The following PCNT variants were observed in gnomAD, a reference collection of about 807,000 sequenced individuals.
PCNT encodes kendrin.
PCNT carries 319 observed loss-of-function variants against 380.4 expected under a neutral mutation model. The observed-to-expected ratio is 0.84, with a 90% CI of 0.77 to 0.92. The LOEUF (loss-of-function observed/expected upper bound fraction) is 0.92. Among genes scored for constraint, PCNT ranks in the 40% least tolerant of loss-of-function variants. The probability of loss-of-function intolerance (pLI) is 0.00; values close to 1 mark genes in which losing one functional copy is unlikely to be tolerated. For synonymous variants in PCNT, 1,845 were observed against 1,735.2 expected, an observed-to-expected ratio of 1.06 and a Z score of -1.57; for missense variants, 4,400 against 4,255.3, an observed-to-expected ratio of 1.03 and a Z score of -0.95.
intron 19 of PCNT, among the ~76,000 whole-genome samples, 163 bp from the exon 20 acceptor site, chr21:46,390,507 G>A (rs572632310): frequency 2.6e-5 from 4 of 152,166 alleles, no homozygotes; most frequent in South Asian, 2.1e-4. Flanking sequence ...ACAGTGTCTC[G>A]GAGGGTGGCT....
In PCNT at chr21:46,352,244, G is replaced by A. The variant is rs115627689; in HGVS notation, c.1456+704G>A. ...TGGGATTTGAAGCAAAGAGCACTTAGGAGAAAGAACTGGAGACACTGCCAC... is the reference window on the plus strand; with the variant it reads ...TGGGATTTGAAGCAAAGAGCACTTAAGAGAAAGAACTGGAGACACTGCCAC... On this transcript the variant is annotated intron_variant, in intron 9 of 46. Coordinates refer to ENST00000359568, the MANE Select transcript of PCNT (RefSeq NM_006031.6). Among the ~76,000 whole-genome samples, 808 of 152,352 alleles carry A rather than the reference G, an allele frequency of 5.3e-3. 6 individuals carry two copies. Among genetic ancestry groups the A allele is most frequent in the African/African-American group, 0.019 (774 of 41,572 alleles).
rs1337516320 is a variant in PCNT at position 46,366,772 on chromosome 21, C to T, written c.2798C>T (p.Ser933Phe). 1.2e-6 allele frequency: 2 copies of T among 1,613,648 alleles called. No homozygotes were observed. Residue 933 changes from serine (S) to phenylalanine (F), a missense_variant, in exon 15 of 47, where the codon TCC becomes TTC. Physicochemically the swap from Ser to Phe is radical, Grantham distance 155. Transcript: ENST00000359568. Reference protein sequence around the residue: ...HQAALGELTASLESKQGALLA... With the variant: ...HQAALGELTAFLESKQGALLA... ...GCCGCGTTGGGCGAGCTGACAGCCT[C>T]CTTAGAGAGCAAGCAGGGGGCTCTG... is the stretch of plus-strand genomic sequence containing the variant.
At chr21:46,385,610 T>A (rs1350970299) in intron 16 of PCNT, among the ~76,000 whole-genome samples, 1 of 152,242 alleles carries the variant, frequency 6.6e-6, no homozygotes, top group African/African-American at 2.4e-5. Flanking sequence ...AATGTGCAGG[T>A]GCTCCTTGGC....
intron 18 of PCNT, 99 bp from the exon 19 acceptor site, chr21:46,389,100 G>T: frequency 7.4e-7 from 1 of 1,349,470 alleles, no homozygotes. Context: ...CGGCTGGGGC[G>T]ACGTTCTGAG....
intron 29 of PCNT, 99 bp from the exon 30 acceptor site, chr21:46,415,970 T>C: frequency 8.9e-7 from 1 of 1,120,464 alleles, no homozygotes; most frequent in Admixed American, 1.8e-5. Context: ...ATCACCCGAG[T>C]GCTCCGAAAC....
rs2146625298 is a variant in PCNT, at chr21:46,351,449, A to G, written c.1365A>G (p.Ser455=). 4.4e-6 allele frequency: 7 copies of G among 1,607,688 alleles called. No homozygotes were observed. Among genetic ancestry groups the G allele is most frequent in the Non-Finnish European group, 6.0e-6 (7 of 1,174,150 alleles). ...KQLELENLQA[S]YEDLKAQSQE... ...TCCAGTTAGAGAATCTTCAAGCATCATATGAAGACCTGAAGGCACAATCAC... is the reference window on the plus strand; with the variant it reads ...TCCAGTTAGAGAATCTTCAAGCATCGTATGAAGACCTGAAGGCACAATCAC... Residue 455 remains serine, a synonymous_variant, in exon 9 of 47, where the codon TCA becomes TCG. Transcript: ENST00000359568.
At chr21:46,371,291 A>G (rs2085119570) in intron 15 of PCNT, among the ~76,000 whole-genome samples, 1 of 149,886 alleles carries the variant, frequency 6.7e-6, no homozygotes, top group Non-Finnish European at 1.5e-5. Flanking sequence ...GCTCACTGCA[A>G]CCTCTGCCTC....
In PCNT at chr21:46,440,532, G is replaced by A. The variant is rs8132659; in HGVS notation, c.9394-323G>A. ...CTGCTGCAGTCTCCTGATGGCACAC[G>A]GTCCCCACCCCGTGACGTCCATCTC... On this transcript the variant is annotated intron_variant, in intron 42 of 46. Transcript: ENST00000359568. Among the ~76,000 whole-genome samples the A allele has an allele frequency of 1.3e-3, 201 of 152,334 alleles. 2 individuals carry two copies. Among genetic ancestry groups the A allele is most frequent in the African/African-American group, 4.3e-3 (180 of 41,580 alleles).
At chr21:46,358,712 C>G (rs1035291158) in intron 13 of PCNT, among the ~76,000 whole-genome samples, 3 of 151,948 alleles carry the variant, frequency 2.0e-5, no homozygotes, top group African/African-American at 7.2e-5. Context: ...GCAACCTTCA[C>G]CTCCTGGCTT....
chr21:46,393,411 T>C (rs1386854443), intron 21 of PCNT, among the ~76,000 whole-genome samples: 1 of 152,156 alleles, frequency 6.6e-6, no homozygotes. Context: ...CCGTTGTCGC[T>C]GTTTCTCCGA....
chr21:46,432,180 C>T lies in PCNT; in HGVS notation c.8716C>T (p.Gln2906Ter). The change falls in exon 38 of 47, where the codon CAG becomes TAG. Residue 2906 changes from glutamine (Q) to a stop codon, truncating the protein, a stop_gained. Transcript: ENST00000359568. LOFTEE classifies it high-confidence loss of function. ...CAGGCAGAGCCCAGCGGCTGCGGAG[C>T]AGTGGAGGAAGTGGCAGAGAGACAA... ...EARQSPAAAEQWRKWQRDKEK... is the reference protein window; with the variant it reads ...EARQSPAAAE 2 of 1,612,660 alleles carry T rather than the reference C, an allele frequency of 1.2e-6. No individual in the cohort carries two copies. Among genetic ancestry groups the T allele is most frequent in the Non-Finnish European group, 1.7e-6 (2 of 1,179,742 alleles).
At chr21:46,402,013 C>T (rs781423252) in intron 26 of PCNT, among the ~76,000 whole-genome samples, 5 of 152,116 alleles carry the variant, frequency 3.3e-5, no homozygotes, top group African/African-American at 7.2e-5. Context: ...CCGCCACGCC[C>T]GGCTCAGTTT....
chr21:46,362,736 G>A (rs2084763826), intron 13 of PCNT, among the ~76,000 whole-genome samples: 1 of 152,020 alleles, frequency 6.6e-6, no homozygotes, highest in Non-Finnish European at 1.5e-5. Context: ...TTGAGCTCAG[G>A]AGTTCAAGAT....
chr21:46,392,242 A>C (rs757280940), intron 21 of PCNT, among the ~76,000 whole-genome samples: 2 of 151,596 alleles, frequency 1.3e-5, no homozygotes, highest in African/African-American at 4.9e-5. Context: ...TTTTTTTGAG[A>C]TGGAGTCTCG....
Position 46,400,029 on chromosome 21 carries a change from T to G in PCNT, c.4791+233T>G, listed in dbSNP as rs1362447935. Among the ~76,000 whole-genome samples, 3 of 152,238 alleles carry G rather than the reference T, an allele frequency of 2.0e-5. No individual in the cohort carries two copies. In the East Asian group the frequency reaches 5.8e-4, roughly 29 times the overall value. On this transcript the variant is annotated intron_variant, in intron 25 of 46. Transcript: ENST00000359568. ...ATTTACTGTAGTAGGATTTATACAA[T>G]TTCTTTATGTCTCAAGAACTCTGAA...
chr21:46,363,965 C>CTGTGA, intron 14 of PCNT, 31 bp downstream of exon 14: 1 of 1,586,494 alleles, frequency 6.3e-7, no homozygotes, highest in Non-Finnish European at 8.6e-7. Flanking sequence ...TCTGCAGTCC[C>CTGTGA]TGTGAGGCCA....
chr21:46,412,869 G>A lies in PCNT; in HGVS notation c.6027G>A (p.Lys2009=). ...GDLQPVLVTL[K]DAPLCKQEGV... is the part of the protein sequence containing the mutation. ...TGCAGCCTGTCCTGGTGACGTTGAA[G>A]GATGCACCTCTCTGCAAGCAAGAAG... The change falls in exon 29 of 47, where the codon AAG becomes AAA. Residue 2009 remains lysine, a synonymous_variant. Coordinates refer to ENST00000359568, the MANE Select transcript of PCNT (RefSeq NM_006031.6). 6.2e-7 allele frequency: 1 copy of A among 1,612,746 alleles called. No individual in the cohort carries two copies. The highest frequency in any genetic ancestry group is 8.5e-7 in the Non-Finnish European group (1 of 1,180,042).
In PCNT at chr21:46,425,781, G is replaced by A. The variant is rs1405998638; in HGVS notation, c.7180-50G>A. The A allele has an allele frequency of 1.2e-6, 2 of 1,610,632 alleles. No individual in the cohort carries two copies. Among genetic ancestry groups the A allele is most frequent in the Non-Finnish European group, 1.7e-6 (2 of 1,179,644 alleles). On this transcript the variant is annotated intron_variant, in intron 32 of 46. Coordinates refer to ENST00000359568, the MANE Select transcript of PCNT (RefSeq NM_006031.6). The surrounding 1 kb of genome is among the most constrained non-coding windows in gnomAD (Gnocchi z 4.2). ...GGGGCCGCAGGTGGTGTAGAGCGTG[G>A]CTGTGTGGGGTGGCAGGCAACTCCC...
At chr21:46,412,247 G>A (rs575036580) in intron 28 of PCNT, among the ~76,000 whole-genome samples, 180 bp downstream of exon 28, 3 of 152,200 alleles carry the variant, frequency 2.0e-5, no homozygotes, top group African/African-American at 4.8e-5. Context: ...GTGTCAGTAC[G>A]CAGTGAAGCT....
Sources: gnomAD v4.1 joint callset for allele counts (sites outside exome capture counted in the v4.1 genomes callset) on GRCh38, gnomAD v4.1.1 for gene constraint, Gnocchi (gnomAD v3.1) non-coding constraint, MANE v1.5 for transcripts, NCBI Gene and HGNC (gene_info 2026-07-23, HGNC 2026-07-21) for gene names.